OSBPL1A: variants seen among roughly 807,000 people sequenced by gnomAD.
OSBPL1A encodes oxysterol-binding protein-related protein 1.
Under a neutral mutation model 137.1 loss-of-function variants are expected in OSBPL1A, and 80 were observed. The ratio of observed to expected loss-of-function variants is 0.58; its 90% confidence interval spans 0.49 to 0.70. The LOEUF (loss-of-function observed/expected upper bound fraction) is 0.70. Ranked by LOEUF, OSBPL1A falls within the 30% of genes least tolerant of loss-of-function variation. The pLI is 0.00. For synonymous variants in OSBPL1A, 365 were observed against 389.7 expected, an observed-to-expected ratio of 0.94 and a Z score of 0.75; for missense variants, 970 against 1,129.4, an observed-to-expected ratio of 0.86 and a Z score of 2.02.
intron 14 of OSBPL1A, among the ~76,000 whole-genome samples, chr18:24,282,683 T>A (rs968091161): frequency 6.6e-6 from 1 of 152,266 alleles, no homozygotes; most frequent in Admixed American, 6.5e-5. Flanking sequence ...GTTTCTGATA[T>A]TTTGTTAATT....
chr18:24,370,861 G>A (rs1905572280), intron 2 of OSBPL1A, among the ~76,000 whole-genome samples: 1 of 152,096 alleles, frequency 6.6e-6, no homozygotes, highest in African/African-American at 2.4e-5. Context: ...TAGGGATGGG[G>A]TTTTGCCATG....
chr18:24,271,670 T>C lies in OSBPL1A; in HGVS notation c.1281+9172A>G, dbSNP rs1317987668. ...GCTGGCGCGCTCCACCCTGCGCTCCTCGCAAGCTCCAGCGCGAATGCGCTC... is the reference window on the plus strand; with the variant it reads ...GCTGGCGCGCTCCACCCTGCGCTCCCCGCAAGCTCCAGCGCGAATGCGCTC... On this transcript the variant is annotated intron_variant, in intron 15 of 27. Coordinates refer to ENST00000319481, the MANE Select transcript of OSBPL1A (RefSeq NM_080597.4). This position sits in a 1 kb window ranked among gnomAD's most constrained non-coding sequence, Gnocchi z 4.0. 2 of 985,650 alleles carry C rather than the reference T, an allele frequency of 2.0e-6. No homozygotes were observed. The highest frequency in any genetic ancestry group is 1.1e-4 in the East Asian group (1 of 8,830). The allele number at this position is 985,650 out of a possible 1,614,324, so 61.1% of individuals were successfully genotyped here.
intron 14 of OSBPL1A, among the ~76,000 whole-genome samples, chr18:24,284,975 G>A (rs1298978533): frequency 6.6e-6 from 1 of 152,194 alleles, no homozygotes; most frequent in Non-Finnish European, 1.5e-5. Context: ...GGCCAAGGCA[G>A]GAGGATCACT....
intron 4 of OSBPL1A, among the ~76,000 whole-genome samples, chr18:24,356,421 G>T (rs1003130451): frequency 2.6e-5 from 4 of 152,126 alleles, no homozygotes; most frequent in African/African-American, 9.7e-5. Flanking sequence ...TAGATCTAAG[G>T]TCCAAACTGG....
At chr18:24,358,368 G>A (rs1327340155) in intron 4 of OSBPL1A, 14 of 665,898 alleles carry the variant, frequency 2.1e-5, no homozygotes, top group Non-Finnish European at 3.5e-5. Context: ...CAGAAAGGCT[G>A]AGGCATCGCT....
intron 1 of OSBPL1A, among the ~76,000 whole-genome samples, chr18:24,395,782 C>T (rs999803268): frequency 6.6e-6 from 1 of 151,648 alleles, no homozygotes; most frequent in Non-Finnish European, 1.5e-5. Flanking sequence ...CTACCACGCC[C>T]GGCTAATTTT....
intron 15 of OSBPL1A, among the ~76,000 whole-genome samples, chr18:24,239,732 A>T (rs941143799): frequency 1.3e-5 from 2 of 151,728 alleles, no homozygotes; most frequent in African/African-American, 4.8e-5. Context: ...GTACACAGTT[A>T]AAAAAAACAG....
At chr18:24,274,822 T>A (rs1391980807) in intron 15 of OSBPL1A, among the ~76,000 whole-genome samples, 3 of 151,538 alleles carry the variant, frequency 2.0e-5, no homozygotes, top group Non-Finnish European at 4.4e-5. Flanking sequence ...GGCAGGAGAA[T>A]CGCTTGAACC....
At chr18:24,336,319 T>C (rs1305721979) in intron 5 of OSBPL1A, among the ~76,000 whole-genome samples, 1 of 152,218 alleles carries the variant, frequency 6.6e-6, no homozygotes, top group Non-Finnish European at 1.5e-5. Context: ...TCTAGGCTCA[T>C]AAATGAAGGA....
intron 2 of OSBPL1A, among the ~76,000 whole-genome samples, chr18:24,369,879 TC>T (rs1350872726): frequency 2.0e-5 from 3 of 151,984 alleles, no homozygotes. Flanking sequence ...GGGTCCCCCA[TC>T]CCCCCTGTCC....
chr18:24,309,983 G>A (rs1308338879), intron 13 of OSBPL1A, among the ~76,000 whole-genome samples: 1 of 145,920 alleles, frequency 6.9e-6, no homozygotes, highest in Non-Finnish European at 1.5e-5. Context: ...GGAGGCGGAA[G>A]TTGCAGGGAG....
At chr18:24,226,897 T>A (rs943398605) in intron 16 of OSBPL1A, among the ~76,000 whole-genome samples, 34 of 146,836 alleles carry the variant, frequency 2.3e-4, no homozygotes, top group Non-Finnish European at 5.0e-4. Flanking sequence ...ATTTTTTTTT[T>A]TTTTTTTTTT....
intron 14 of OSBPL1A, among the ~76,000 whole-genome samples, chr18:24,301,626 A>G (rs925984074): frequency 6.6e-6 from 1 of 152,240 alleles, no homozygotes; most frequent in Non-Finnish European, 1.5e-5. Flanking sequence ...GAATTTTGTT[A>G]TGTGAATTAT....
intron 4 of OSBPL1A, among the ~76,000 whole-genome samples, chr18:24,351,353 A>AAAAAAAAAAAAAAAAAC: frequency 6.7e-6 from 1 of 149,582 alleles, no homozygotes; most frequent in Middle Eastern, 3.2e-3. Context: ...GTCTCAAAAA[A>AAAAAAAAAAAAAAAAAC]AAAAAAAAAA....
intron 14 of OSBPL1A, among the ~76,000 whole-genome samples, chr18:24,284,615 T>G (rs146579276): frequency 9.3e-6 from 1 of 107,380 alleles, no homozygotes; most frequent in South Asian, 4.4e-4. Context: ...CAACCTCCAC[T>G]GTTATCCTAG....
At chr18:24,337,760 A>T (rs1394757599) in intron 5 of OSBPL1A, among the ~76,000 whole-genome samples, 1 of 151,268 alleles carries the variant, frequency 6.6e-6, no homozygotes, top group Non-Finnish European at 1.5e-5. Context: ...AAATCTGAAT[A>T]TAAAAATATA....
intron 16 of OSBPL1A, among the ~76,000 whole-genome samples, chr18:24,236,466 G>C (rs2088480029): frequency 6.6e-6 from 1 of 152,128 alleles, no homozygotes; most frequent in African/African-American, 2.4e-5. Context: ...GAATTGGGTG[G>C]CTAGGTCAAC....
rs150125724 is a variant in OSBPL1A at position 24,165,061 on chromosome 18, G to A, written c.2750+4C>T. 1,370 of 1,613,994 alleles carry A rather than the reference G, an allele frequency of 8.5e-4. 8 individuals are homozygous for A. In the African/African-American group the frequency reaches 0.015, roughly 17 times the overall value. On this transcript the variant is annotated splice_donor_region_variant and intron_variant, in intron 27 of 27. Coordinates refer to ENST00000319481, the MANE Select transcript of OSBPL1A (RefSeq NM_080597.4). ...CAGCCACACCCCCTGACTCAGGCAC[G>A]CACCTCGTCTTCCAGTCCTCTTCTG...
chr18:24,213,752 C>A (rs934897460), intron 17 of OSBPL1A, among the ~76,000 whole-genome samples: 1 of 152,136 alleles, frequency 6.6e-6, no homozygotes, highest in South Asian at 2.1e-4. Context: ...TCTTGTTTTA[C>A]AAGAGGTTTT....
Sources: allele counts gnomAD v4.1 joint callset (sites outside exome capture counted in the v4.1 genomes callset), GRCh38; gene constraint gnomAD v4.1.1; non-coding constraint Gnocchi (gnomAD v3.1); transcripts MANE v1.5; gene names NCBI Gene and HGNC (gene_info 2026-07-23, HGNC 2026-07-21).